SLC35F2: variants seen among roughly 807,000 people sequenced by gnomAD.
SLC35F2 encodes the protein solute carrier family 35 member F2.
Under a neutral mutation model 38.1 loss-of-function variants are expected in SLC35F2, and 25 were observed. That is an observed-to-expected ratio of 0.66 (90% confidence interval 0.48 to 0.92). The LOEUF is 0.92. Ranked by LOEUF, SLC35F2 falls within the 40% of genes least tolerant of loss-of-function variation. The pLI, the probability that SLC35F2 is intolerant of heterozygous loss-of-function variation, is 0.00. For synonymous variants in SLC35F2, 173 were observed against 181.7 expected, an observed-to-expected ratio of 0.95 and a Z score of 0.38; for missense variants, 409 against 452.9, an observed-to-expected ratio of 0.90 and a Z score of 0.88.
intron 6 of SLC35F2, 36 bp downstream of exon 6, chr11:107,804,682 A>C (rs1425001327): frequency 6.8e-7 from 1 of 1,461,842 alleles, no homozygotes; most frequent in African/African-American, 1.4e-5. Flanking sequence ...TGTTTGTTAA[A>C]GAATGCTGAC....
intron 1 of SLC35F2, among the ~76,000 whole-genome samples, chr11:107,852,289 C>T (rs932468200): frequency 3.3e-5 from 5 of 152,020 alleles, no homozygotes; most frequent in South Asian, 2.1e-4. Context: ...CAGTGGCTCA[C>T]GCCTGTAATC....
chr11:107,803,303 C>A, intron 6 of SLC35F2, 148 bp from the exon 7 acceptor site: 1 of 1,316,552 alleles, frequency 7.6e-7, no homozygotes, highest in Non-Finnish European at 9.7e-7. Context: ...GAAAATGAGA[C>A]CATAAAGCTC....
chr11:107,814,761 G>A (rs1422744280), intron 2 of SLC35F2, among the ~76,000 whole-genome samples: 12 of 152,100 alleles, frequency 7.9e-5, no homozygotes, highest in South Asian at 2.1e-4. Flanking sequence ...TCAGGAATTC[G>A]AGACCAGCCT....
chr11:107,823,852 C>T (rs1305446703), intron 1 of SLC35F2: 1 of 302,944 alleles, frequency 3.3e-6, no homozygotes, highest in Non-Finnish European at 4.8e-6. Flanking sequence ...TCACTTGAAC[C>T]CAGGAAGCGG....
intron 1 of SLC35F2, among the ~76,000 whole-genome samples, chr11:107,833,318 A>G (rs1222694260): frequency 1.3e-5 from 2 of 151,980 alleles, no homozygotes; most frequent in African/African-American, 2.4e-5. Flanking sequence ...TCAAGAGATC[A>G]AGACCATCCT....
chr11:107,849,216 G>A (rs575596152), intron 1 of SLC35F2, among the ~76,000 whole-genome samples: 11 of 152,114 alleles, frequency 7.2e-5, no homozygotes, highest in Non-Finnish European at 1.0e-4. Context: ...ATACTCTTTC[G>A]TTTTATTAGG....
intron 7 of SLC35F2, among the ~76,000 whole-genome samples, chr11:107,800,457 G>A (rs892617548): frequency 6.6e-5 from 10 of 152,104 alleles, no homozygotes; most frequent in African/African-American, 9.7e-5. Flanking sequence ...CTACAAGGAC[G>A]AAGAAAGATA....
chr11:107,811,793 G>T lies in SLC35F2; in HGVS notation c.288C>A (p.Gly96=). 6.2e-7 allele frequency: 1 copy of T among 1,613,358 alleles called. No homozygotes were observed. Among genetic ancestry groups the T allele is most frequent in the Non-Finnish European group, 8.5e-7 (1 of 1,179,536 alleles). The change falls in exon 3 of 8, where the codon GGC becomes GGA. Residue 96 remains glycine (G), a splice_region_variant and synonymous_variant. Transcript: ENST00000525815. ...IYTVMLAFRS[G]SDNLLVILKR... ...TCAAGATTACTAAAAGGTTATCACT[G>T]CCTGGTTGAAAGAAATATGGGTTAG...
rs1859673751 is a variant in SLC35F2 at position 107,821,554 on chromosome 11, AC to A, written c.111-5590del. Reference sequence around the variant, plus strand: ...TGAAGGCCTCAAAACAATTTTTGTTACTTATAGCTCCACTTTCATGTTTGTA... The same window carrying A: ...TGAAGGCCTCAAAACAATTTTTGTTATTATAGCTCCACTTTCATGTTTGTA... On this transcript the variant is annotated intron_variant, in intron 1 of 7. Transcript: ENST00000525815. The A allele has an allele frequency of 3.0e-6, 3 of 985,300 alleles. No homozygotes were observed. In the African/African-American group the frequency reaches 5.2e-5, roughly 17 times the overall value. 61.0% of individuals were successfully genotyped at this position (985,300 alleles called of 1,614,324 possible).
chr11:107,811,615 G>A (rs1859480789), intron 3 of SLC35F2, 52 bp downstream of exon 3: 1 of 1,530,858 alleles, frequency 6.5e-7, no homozygotes, highest in Non-Finnish European at 8.8e-7. Flanking sequence ...ATGACTTCGT[G>A]TTCTTCTTTT....
chr11:107,841,838 G>A (rs1860016272), intron 1 of SLC35F2, among the ~76,000 whole-genome samples: 1 of 152,030 alleles, frequency 6.6e-6, no homozygotes, highest in South Asian at 2.1e-4. Flanking sequence ...GCCGAGGCGA[G>A]CGGATCATGA....
chr11:107,821,714 G>T, intron 1 of SLC35F2: 1 of 734,952 alleles, frequency 1.4e-6, no homozygotes, highest in Non-Finnish European at 1.7e-6. Context: ...TCCTGTCCCG[G>T]TTTTACTAAC....
chr11:107,811,453 T>G (rs1294293378), intron 3 of SLC35F2, among the ~76,000 whole-genome samples: 1 of 152,254 alleles, frequency 6.6e-6, no homozygotes, highest in Non-Finnish European at 1.5e-5. Context: ...TAATCTGCCA[T>G]AGCAGTTTGG....
intron 1 of SLC35F2, among the ~76,000 whole-genome samples, chr11:107,838,006 A>G (rs1859957783): frequency 6.6e-6 from 1 of 151,984 alleles, no homozygotes; most frequent in African/African-American, 2.4e-5. Context: ...CTATATACCA[A>G]GCGCTAATTG....
intron 1 of SLC35F2, among the ~76,000 whole-genome samples, chr11:107,820,259 A>AT (rs1313364908): frequency 2.2e-5 from 3 of 136,896 alleles, no homozygotes; most frequent in African/African-American, 9.5e-5. Flanking sequence ...TGCCCAAAAA[A>AT]TAAAAAAAAA....
chr11:107,803,005 T>C lies in SLC35F2; in HGVS notation c.935A>G (p.Tyr312Cys), dbSNP rs1419867597. The C allele has an allele frequency of 2.2e-5, 36 of 1,608,458 alleles. No individual in the cohort carries two copies. Among genetic ancestry groups the C allele is most frequent in the Non-Finnish European group, 2.9e-5 (34 of 1,178,588 alleles). The change falls in exon 7 of 8, where the codon TAT becomes TGT. Residue 312 changes from tyrosine (Y) to cysteine (C), a missense_variant. Tyr to Cys is a radical substitution (Grantham distance 194, BLOSUM62 -2). Coordinates refer to ENST00000525815, the MANE Select transcript of SLC35F2 (RefSeq NM_017515.5). ...GAACGTGATCTATTTGTTTACCTTA[T>C]AGCCAAACAGAAAGAGTCCAACAAA... ...SLFVGLFLFG[Y>C]KFSGLYILSF...
intron 1 of SLC35F2, among the ~76,000 whole-genome samples, chr11:107,820,125 A>G (rs1859644266): frequency 6.6e-6 from 1 of 151,300 alleles, no homozygotes; most frequent in Non-Finnish European, 1.5e-5. Flanking sequence ...GTGTGGTGGT[A>G]CACGCCTGTA....
intron 2 of SLC35F2, 80 bp from the exon 3 acceptor site, chr11:107,811,874 A>G: frequency 1.5e-6 from 2 of 1,296,756 alleles, no homozygotes; most frequent in South Asian, 1.5e-5. Flanking sequence ...AAAGAGTAGA[A>G]GCAAGAGTTT....
intron 7 of SLC35F2, among the ~76,000 whole-genome samples, chr11:107,800,407 T>C (rs1859288747): frequency 6.9e-6 from 1 of 144,412 alleles, no homozygotes; most frequent in Non-Finnish European, 1.5e-5. Context: ...GGCCGACTTC[T>C]GGGAATAGCA....
Sources: gnomAD v4.1 joint callset for allele counts (sites outside exome capture counted in the v4.1 genomes callset) on GRCh38, gnomAD v4.1.1 for gene constraint, MANE v1.5 for transcripts, NCBI Gene and HGNC (gene_info 2026-07-23, HGNC 2026-07-21) for gene names.